Variants in MEGF10 observed in about 807,000 individuals in gnomAD.
The protein encoded by MEGF10 is multiple EGF like domains 10.
A neutral mutation model predicts 147.5 loss-of-function variants in MEGF10; 86 were observed. The observed-to-expected ratio is 0.58, with a 90% CI of 0.49 to 0.70. The LOEUF is 0.70. Among genes scored for constraint, MEGF10 ranks in the 30% least tolerant of loss-of-function variants. The pLI is 0.00. For synonymous variants in MEGF10, 478 were observed against 525.5 expected (o/e 0.91, Z 1.24); for missense variants, 1,329 against 1,487.3 (o/e 0.89, Z 1.75).
At chr5:127,452,602 T>G (rs1316860628) in intron 22 of MEGF10, among the ~76,000 whole-genome samples, 4 of 151,822 alleles carry the variant, frequency 2.6e-5, no homozygotes, top group South Asian at 2.1e-4. Flanking sequence ...CATGATTGAC[T>G]CCCATCATGT....
chr5:127,447,818 C>G, intron 21 of MEGF10, 134 bp downstream of exon 21: 5 of 1,159,758 alleles, frequency 4.3e-6, no homozygotes, highest in Non-Finnish European at 5.9e-6. Flanking sequence ...TTCCTCTAAA[C>G]AGTCCTCTGA....
At chr5:127,247,813 C>T in the MEGF10 span, among the ~76,000 whole-genome samples, 1 of 152,138 alleles carries the variant, frequency 6.6e-6, no homozygotes, top group East Asian at 1.9e-4. Context: ...AATGGTAACA[C>T]AGGGCTCTAG....
intron 13 of MEGF10, chr5:127,424,721 T>C (rs1390771466): frequency 4.5e-6 from 1 of 220,994 alleles, no homozygotes; most frequent in Admixed American, 6.2e-5. Context: ...CCCAACCCTG[T>C]AGTTCCATCT....
At chr5:127,442,514 A>G (rs909799418) in intron 18 of MEGF10, among the ~76,000 whole-genome samples, 2 of 152,328 alleles carry the variant, frequency 1.3e-5, no homozygotes, top group African/African-American at 4.8e-5. Context: ...TGTTGTTTGC[A>G]TCTTCCCCTA....
chr5:127,367,065 T>C (rs1762683633), intron 4 of MEGF10, among the ~76,000 whole-genome samples: 1 of 152,186 alleles, frequency 6.6e-6, no homozygotes, highest in Non-Finnish European at 1.5e-5. Context: ...TCTTACCAGT[T>C]GATTCAGGTG....
At position 127,433,311 on chromosome 5, in the gene MEGF10, G is replaced by T. The variant is rs368485617; in HGVS notation, c.1694-52G>T. The T allele has an allele frequency of 2.5e-6, 4 of 1,612,380 alleles. No individual in the cohort carries two copies. In the African/African-American group the frequency reaches 4.0e-5, roughly 16 times the overall value. On this transcript the variant is annotated intron_variant, in intron 13 of 24. Transcript: ENST00000503335. Reference sequence around the variant, plus strand: ...TCCTCATCTATGAATTAGCATCTGCGGAAACTCCGCACTGCCTCTCACTCA... The same window carrying T: ...TCCTCATCTATGAATTAGCATCTGCTGAAACTCCGCACTGCCTCTCACTCA...
At chr5:127,270,072 G>C in the MEGF10 span, among the ~76,000 whole-genome samples, 1 of 152,122 alleles carries the variant, frequency 6.6e-6, no homozygotes, top group South Asian at 2.1e-4. Flanking sequence ...TAAAAGAGCT[G>C]CTGAAGGAAG....
intron 9 of MEGF10, among the ~76,000 whole-genome samples, chr5:127,416,123 G>A (rs1042832271): frequency 6.6e-6 from 1 of 151,842 alleles, no homozygotes; most frequent in Non-Finnish European, 1.5e-5. Context: ...CACCTCCCAG[G>A]TTCACACCAT....
chr5:127,302,039 CA>C (rs994520846), intron 1 of MEGF10, among the ~76,000 whole-genome samples: 7 of 152,252 alleles, frequency 4.6e-5, no homozygotes, highest in Admixed American at 4.6e-4. Context: ...TGTTACTAAA[CA>C]AAAAATTATT....
chr5:127,433,279 A>G, intron 13 of MEGF10, 84 bp from the exon 14 acceptor site: 1 of 1,552,040 alleles, frequency 6.4e-7, no homozygotes, highest in Non-Finnish European at 8.8e-7. Context: ...TAACACTGTG[A>G]GCTTAGTCCT....
At chr5:127,313,561 AC>A (rs1233251958) in intron 1 of MEGF10, among the ~76,000 whole-genome samples, 3 of 152,196 alleles carry the variant, frequency 2.0e-5, no homozygotes, top group Admixed American at 1.3e-4. Context: ...AACAGTACTA[AC>A]CTTTATGGCA....
At chr5:127,259,216 T>C in the MEGF10 span, among the ~76,000 whole-genome samples, 1 of 152,168 alleles carries the variant, frequency 6.6e-6, no homozygotes, top group African/African-American at 2.4e-5. Flanking sequence ...ATGATCAAAA[T>C]AATCATCTGC....
chr5:127,323,419 G>T (rs1760872362), intron 1 of MEGF10, among the ~76,000 whole-genome samples: 1 of 152,186 alleles, frequency 6.6e-6, no homozygotes, highest in African/African-American at 2.4e-5. Flanking sequence ...GCATTGTGAG[G>T]TTATGCCCCT....
At chr5:127,247,128 T>C in the MEGF10 span, among the ~76,000 whole-genome samples, 1 of 141,618 alleles carries the variant, frequency 7.1e-6, no homozygotes, top group Non-Finnish European at 1.5e-5. Context: ...GAAGGGTCTA[T>C]ATATGTTTCT....
intron 1 of MEGF10, among the ~76,000 whole-genome samples, chr5:127,298,517 A>C (rs1407226484): frequency 6.6e-6 from 1 of 152,196 alleles, no homozygotes; most frequent in Non-Finnish European, 1.5e-5. Flanking sequence ...AATCACCTGC[A>C]GATACTGGCT....
chr5:127,410,155 CTGT>C (rs1362173478), intron 8 of MEGF10, among the ~76,000 whole-genome samples: 1 of 152,110 alleles, frequency 6.6e-6, no homozygotes, highest in East Asian at 1.9e-4. Context: ...CATTTTGTTG[CTGT>C]TGTTATTTGT....
At chr5:127,404,227 C>T (rs779664552) in intron 8 of MEGF10, among the ~76,000 whole-genome samples, 22 of 151,824 alleles carry the variant, frequency 1.4e-4, no homozygotes, top group Non-Finnish European at 2.5e-4. Context: ...TTGTGTTGAG[C>T]ACCTTTTCAT....
At chr5:127,443,304 A>G (rs544278441) in intron 19 of MEGF10, among the ~76,000 whole-genome samples, 178 bp downstream of exon 19, 33 of 152,104 alleles carry the variant, frequency 2.2e-4, no homozygotes, top group African/African-American at 7.9e-4. Context: ...TCCTGCAGAT[A>G]AAGAAACAAA....
intron 17 of MEGF10, among the ~76,000 whole-genome samples, chr5:127,439,439 C>T (rs184598466): frequency 5.9e-5 from 9 of 152,058 alleles, no homozygotes; most frequent in Non-Finnish European, 1.2e-4. Flanking sequence ...AATTAGAGTA[C>T]ATAATTAAAG....
Sources: gnomAD v4.1 joint callset for allele counts (sites outside exome capture counted in the v4.1 genomes callset) on GRCh38, gnomAD v4.1.1 for gene constraint, MANE v1.5 for transcripts, NCBI Gene and HGNC (gene_info 2026-07-23, HGNC 2026-07-21) for gene names.